MAN1C1: variants seen among roughly 807,000 people sequenced by gnomAD.
MAN1C1 encodes mannosyl-oligosaccharide 1,2-alpha-mannosidase IC.
Under a neutral mutation model 71.5 loss-of-function variants are expected in MAN1C1, and 49 were observed. The ratio of observed to expected loss-of-function variants is 0.69; its 90% CI spans 0.54 to 0.87. The LOEUF (loss-of-function observed/expected upper bound fraction) is 0.87. MAN1C1 is among the 40% of genes least tolerant of loss of function. The probability of loss-of-function intolerance (pLI) is 0.00; values close to 1 mark genes in which losing one functional copy is unlikely to be tolerated. For synonymous variants in MAN1C1, 352 were observed against 343.7 expected (o/e 1.02, Z -0.27); for missense variants, 743 against 835.0 (o/e 0.89, Z 1.36).
chr1:25,622,500 C>T (rs746961828), intron 1 of MAN1C1, among the ~76,000 whole-genome samples: 17 of 152,352 alleles, frequency 1.1e-4, no homozygotes, highest in Non-Finnish European at 2.1e-4. Context: ...GCTGGGTCTT[C>T]TCCCTTAGGG....
In MAN1C1 at chr1:25,771,587, G is replaced by A. The variant is rs561998334; in HGVS notation, c.1142-70G>A. ...ACCGGGCCCCTGAGGTCAGGCGGGT[G>A]TGCGAGGCCCTGCCCCGTGAGAGCC... On this transcript the variant is annotated intron_variant, in intron 7 of 11. Coordinates refer to ENST00000374332, the MANE Select transcript of MAN1C1 (RefSeq NM_020379.4). 6 of 1,204,202 alleles carry A rather than the reference G, an allele frequency of 5.0e-6. No homozygotes were observed. In the African/African-American group the frequency reaches 9.0e-5, roughly 18 times the overall value. 74.6% of individuals were successfully genotyped at this position (1,204,202 alleles called of 1,614,324 possible).
intron 2 of MAN1C1, among the ~76,000 whole-genome samples, chr1:25,723,511 A>G (rs911018195): frequency 1.3e-5 from 2 of 152,170 alleles, no homozygotes; most frequent in African/African-American, 4.8e-5. Flanking sequence ...TCTCTTTCCC[A>G]GCTGCCAAAC....
chr1:25,652,955 G>A (rs539699623), intron 1 of MAN1C1, among the ~76,000 whole-genome samples: 191 of 152,000 alleles, frequency 1.3e-3, no homozygotes, highest in African/African-American at 3.9e-3. Flanking sequence ...ATGAGGTCTC[G>A]CCATGTTGCC....
At chr1:25,635,100 AAGT>A (rs1287875364) in intron 1 of MAN1C1, among the ~76,000 whole-genome samples, 1 of 152,164 alleles carries the variant, frequency 6.6e-6, no homozygotes, top group Non-Finnish European at 1.5e-5. Context: ...TCCTGGGGTC[AAGT>A]GATCTCCTGT....
At chr1:25,650,813 G>A (rs1370114941) in intron 1 of MAN1C1, among the ~76,000 whole-genome samples, 2 of 152,130 alleles carry the variant, frequency 1.3e-5, no homozygotes, top group African/African-American at 4.8e-5. Flanking sequence ...CCTTACAGAA[G>A]GAGAATAAAG....
At chr1:25,773,793 G>A (rs1231693001) in intron 8 of MAN1C1, among the ~76,000 whole-genome samples, 1 of 152,224 alleles carries the variant, frequency 6.6e-6, no homozygotes, top group Non-Finnish European at 1.5e-5. Flanking sequence ...CTCTGCATTT[G>A]ATCTTCCCAG....
intron 2 of MAN1C1, among the ~76,000 whole-genome samples, chr1:25,700,913 C>T (rs2046433338): frequency 6.6e-6 from 1 of 152,210 alleles, no homozygotes; most frequent in African/African-American, 2.4e-5. Flanking sequence ...CCTCTTGGGG[C>T]ATTCGGCACC....
chr1:25,626,898 C>T (rs2124750313), intron 1 of MAN1C1, among the ~76,000 whole-genome samples: 1 of 152,062 alleles, frequency 6.6e-6, no homozygotes, highest in Admixed American at 6.5e-5. Context: ...TTATAAAGGC[C>T]AGTGTATCAG....
At chr1:25,755,858 A>G (rs1422729328) in intron 5 of MAN1C1, among the ~76,000 whole-genome samples, 1 of 152,194 alleles carries the variant, frequency 6.6e-6, no homozygotes, top group African/African-American at 2.4e-5. Context: ...TGCACTTGAA[A>G]GGCTGGGAGA....
At chr1:25,737,932 C>T (rs1430582088) in intron 2 of MAN1C1, among the ~76,000 whole-genome samples, 1 of 152,058 alleles carries the variant, frequency 6.6e-6, no homozygotes, top group East Asian at 1.9e-4. Flanking sequence ...GCAAAGAGAG[C>T]AGGACAAGAG....
chr1:25,726,435 C>T (rs1325280783), intron 2 of MAN1C1, among the ~76,000 whole-genome samples: 1 of 152,198 alleles, frequency 6.6e-6, no homozygotes, highest in Non-Finnish European at 1.5e-5. Context: ...CAGCCACTGA[C>T]TACCAGATCC....
At chr1:25,707,580 C>T (rs1489385783) in intron 2 of MAN1C1, among the ~76,000 whole-genome samples, 4 of 152,288 alleles carry the variant, frequency 2.6e-5, no homozygotes, top group Non-Finnish European at 2.9e-5. Context: ...TGAACAACTT[C>T]GCCTCTTCCT....
chr1:25,747,460 A>G (rs2047146043), intron 3 of MAN1C1, among the ~76,000 whole-genome samples: 1 of 152,178 alleles, frequency 6.6e-6, no homozygotes, highest in Non-Finnish European at 1.5e-5. Context: ...CCCCACGGAG[A>G]GAGGCTATTT....
At chr1:25,718,889 A>G (rs1279350069) in intron 2 of MAN1C1, among the ~76,000 whole-genome samples, 2 of 152,070 alleles carry the variant, frequency 1.3e-5, no homozygotes, top group Non-Finnish European at 2.9e-5. Flanking sequence ...TGCTATGAAC[A>G]TTGTGTACAG....
chr1:25,647,475 C>T (rs963466954), intron 1 of MAN1C1, among the ~76,000 whole-genome samples: 3 of 152,042 alleles, frequency 2.0e-5, no homozygotes, highest in Non-Finnish European at 4.4e-5. Flanking sequence ...TATGTGATGG[C>T]GCTGGGGGTG....
Position 25,663,088 on chromosome 1 carries a change from C to T in MAN1C1, c.541-23352C>T, listed in dbSNP as rs1196547663. Among the ~76,000 whole-genome samples, 15 of 145,970 alleles carry T rather than the reference C, an allele frequency of 1.0e-4. No individual in the cohort carries two copies. In the East Asian group the frequency reaches 2.2e-3, roughly 21 times the overall value. The stretch of plus-strand genomic sequence containing the variant: ...CCTGGTCAATAGAGTGAGACTCCAT[C>T]TCAAAAAAAAAATTATACATATATA... On this transcript the variant is annotated intron_variant, in intron 1 of 11. Coordinates refer to ENST00000374332, the MANE Select transcript of MAN1C1 (RefSeq NM_020379.4).
chr1:25,740,591 C>A (rs2047049108), intron 2 of MAN1C1, among the ~76,000 whole-genome samples: 1 of 152,184 alleles, frequency 6.6e-6, no homozygotes, highest in South Asian at 2.1e-4. Flanking sequence ...CGCCCGCCAC[C>A]ATGCCCGGCT....
intron 1 of MAN1C1, among the ~76,000 whole-genome samples, chr1:25,655,413 A>G (rs1345782396): frequency 6.6e-6 from 1 of 152,188 alleles, no homozygotes; most frequent in African/African-American, 2.4e-5. Context: ...TGTGATTGTG[A>G]TTCTCAGATG....
chr1:25,752,346 TG>T (rs2047228167), intron 4 of MAN1C1, among the ~76,000 whole-genome samples: 1 of 152,178 alleles, frequency 6.6e-6, no homozygotes, highest in Non-Finnish European at 1.5e-5. Context: ...TTTGTATTTT[TG>T]GTAGAGACGG....
Sources: gnomAD v4.1 joint callset for allele counts (sites outside exome capture counted in the v4.1 genomes callset) on GRCh38, gnomAD v4.1.1 for gene constraint, MANE v1.5 for transcripts, NCBI Gene and HGNC (gene_info 2026-07-23, HGNC 2026-07-21) for gene names.